Variants in NOBOX observed in about 807,000 individuals in gnomAD.
NOBOX encodes NOBOX oogenesis homeobox, also known as homeobox protein NOBOX.
In NOBOX, 46 loss-of-function variants were observed where a neutral mutation model predicts 60.2. The ratio of observed to expected loss-of-function variants is 0.76; its 90% CI spans 0.60 to 0.98. The LOEUF is 0.98. Ranked by LOEUF, NOBOX falls within the 50% of genes least tolerant of loss-of-function variation. The pLI is 0.00. For missense variants in NOBOX, 880 were observed against 865.5 expected (o/e 1.02, Z -0.21); for synonymous variants, 360 against 346.3 (o/e 1.04, Z -0.44).
intron 1 of NOBOX, among the ~76,000 whole-genome samples, chr7:144,404,860 C>T (rs1305556379): frequency 6.6e-6 from 1 of 152,122 alleles, no homozygotes; most frequent in African/African-American, 2.4e-5. Flanking sequence ...AAATTCTTGC[C>T]TCTTCTGAGC....
intron 1 of NOBOX, among the ~76,000 whole-genome samples, chr7:144,406,973 A>G (rs1218662673): frequency 6.6e-6 from 1 of 151,770 alleles, no homozygotes; most frequent in African/African-American, 2.4e-5. Context: ...CTTTGTTTAG[A>G]GGACAGGGAG....
intron 1 of NOBOX, among the ~76,000 whole-genome samples, chr7:144,408,914 C>T (rs922511373): frequency 1.7e-4 from 26 of 152,314 alleles, no homozygotes; most frequent in African/African-American, 6.0e-4. Flanking sequence ...AAATACACAC[C>T]AGTGCATGAA....
intron 4 of NOBOX, 114 bp downstream of exon 2, chr7:144,400,932 G>T: frequency 2.4e-6 from 2 of 818,672 alleles, no homozygotes; most frequent in Non-Finnish European, 3.5e-6. Flanking sequence ...GGGACGAAGT[G>T]ACATACAAAC....
At chr7:144,408,793 A>T (rs907459383) in intron 1 of NOBOX, among the ~76,000 whole-genome samples, 1 of 152,152 alleles carries the variant, frequency 6.6e-6, no homozygotes, top group African/African-American at 2.4e-5. Context: ...GGAGCAGGGG[A>T]GGGAAGTGGC....
At chr7:144,399,588 G>T (rs1340070821) in intron 6 of NOBOX, 106 bp from the exon 5 acceptor site, 3 of 1,171,310 alleles carry the variant, frequency 2.6e-6, no homozygotes, top group Non-Finnish European at 3.7e-6. Context: ...CTCCTACAGG[G>T]CATTGGCAAC....
At chr7:144,402,434 AACGGC>A (rs1365050426) in intron 2 of NOBOX, among the ~76,000 whole-genome samples, 3 of 152,180 alleles carry the variant, frequency 2.0e-5, no homozygotes, top group Non-Finnish European at 4.4e-5. Flanking sequence ...TCTCTGCAAG[AACGGC>A]ACTGCTAATA....
In NOBOX at chr7:144,401,145, T is replaced by C. The variant is rs758689984; in HGVS notation, c.745A>G (p.Ser249Gly). The C allele has an allele frequency of 6.2e-7, 1 of 1,609,648 alleles. No homozygotes were observed. The highest frequency in any genetic ancestry group is 1.3e-5 in the African/African-American group (1 of 74,736). ...TTTTGGTTGCTCTGCGCCAATGTAC[T>C]GAGGAGATTGGCCAGGTGGCAGGGC... The change falls in exon 4 of 10, where the codon AGT becomes GGT. Residue 249 changes from serine (S) to glycine (G), a missense_variant. By Grantham distance (56) the Ser-to-Gly change is moderately conservative. Coordinates refer to ENST00000467773, the MANE Select transcript of NOBOX (RefSeq NM_001080413.3). This position sits in a 1 kb window ranked among gnomAD's most constrained non-coding sequence, Gnocchi z 4.2.
At chr7:144,409,138 G>T (rs749803048) in intron 1 of NOBOX, among the ~76,000 whole-genome samples, 7 of 152,218 alleles carry the variant, frequency 4.6e-5, no homozygotes, top group African/African-American at 1.7e-4. Flanking sequence ...TCCTGGACTT[G>T]GTTAAATATA....
At chr7:144,404,698 G>T in intron 1 of NOBOX, 1 of 1,612,044 alleles carries the variant, frequency 6.2e-7, no homozygotes, top group Non-Finnish European at 8.5e-7. Flanking sequence ...GGACGGTGTG[G>T]TTACTGTGTT....
rs777495779 is a variant in NOBOX, at chr7:144,401,366, C to T, written c.524G>A (p.Arg175His). The change falls in exon 4 of 10, where the codon CGC (arginine) becomes CAC (histidine). Residue 175 changes from arginine (R) to histidine (H), a missense_variant. Transcript: ENST00000467773. The surrounding 1 kb of genome is among the most constrained non-coding windows in gnomAD (Gnocchi z 4.2). The stretch of plus-strand genomic sequence containing the variant: ...TTCCCCCTGAGTCTGGGGCCTGGAG[C>T]GGGCTAGAGTTCTGTCTTTGTGGGG... 2.0e-5 allele frequency: 33 copies of T among 1,613,586 alleles called. No homozygotes were observed. The highest frequency in any genetic ancestry group is 2.7e-5 in the African/African-American group (2 of 74,934).
chr7:144,401,496 G>A lies in NOBOX; in HGVS notation c.394C>T (p.Pro132Ser). The A allele has an allele frequency of 1.3e-6, 2 of 1,537,322 alleles. No individual in the cohort carries two copies. Among genetic ancestry groups the A allele is most frequent in the South Asian group, 2.6e-5 (2 of 76,584 alleles). The change falls in exon 4 of 10, where the codon CCA becomes TCA. Residue 132 changes from proline to serine, a missense_variant. Pro to Ser is a moderately conservative substitution (Grantham distance 74). Coordinates refer to ENST00000467773, the MANE Select transcript of NOBOX (RefSeq NM_001080413.3). The surrounding 1 kb of genome is among the most constrained non-coding windows in gnomAD (Gnocchi z 4.2). ...TCTCCTGAGATGGTGCAGGAGGGTG[G>A]CAGTTCCTCACTCTGAGTGTCCTGA...
At chr7:144,403,911 G>C (rs906248772) in intron 2 of NOBOX, among the ~76,000 whole-genome samples, 1 of 151,966 alleles carries the variant, frequency 6.6e-6, no homozygotes, top group East Asian at 1.9e-4. Context: ...ACCCGGGCCT[G>C]GGCGCCGCCT....
rs764455340 is a variant in NOBOX, at chr7:144,399,869, G to A, written c.1048-6C>T. 1 of 1,603,048 alleles carries A rather than the reference G, an allele frequency of 6.2e-7. No homozygotes were observed. Among genetic ancestry groups the A allele is most frequent in the South Asian group, 1.1e-5 (1 of 90,386 alleles). ...CGGCGATTCTGGAACCACACCTATG[G>A]GGGGAAAGGTGCTTGAAGAACTGGA... On this transcript the variant is annotated splice_region_variant and splice_polypyrimidine_tract_variant and intron_variant, in intron 5 of 9. Coordinates refer to ENST00000467773, the MANE Select transcript of NOBOX (RefSeq NM_001080413.3).
In NOBOX at chr7:144,399,813, A is replaced by G. The variant is rs767235358; in HGVS notation, c.1098T>C (p.Asn366=). 10 of 1,612,896 alleles carry G rather than the reference A, an allele frequency of 6.2e-6. No homozygotes were observed. The East Asian group carries it at 2.2e-4, about 36-fold the overall frequency. ...CAGGATTGTCCTTGCTTTCTTTCCC[A>G]TTCAGTTTCTCCATTTTTCGCCACT... The change falls in exon 6 of 10, where the codon AAT becomes AAC. Residue 366 remains asparagine (N), a synonymous_variant. Transcript: ENST00000467773.
Position 144,401,246 on chromosome 7 carries a change from GC to G in NOBOX, c.643del (p.Ala215ProfsTer53). 6.2e-7 allele frequency: 1 copy of G among 1,613,560 alleles called. No individual in the cohort carries two copies. Among genetic ancestry groups the G allele is most frequent in the Non-Finnish European group, 8.5e-7 (1 of 1,179,712 alleles). On this transcript the variant is annotated frameshift_variant, in exon 4 of 10. Transcript: ENST00000467773. LOFTEE classifies it high-confidence loss of function. The surrounding 1 kb of genome is among the most constrained non-coding windows in gnomAD (Gnocchi z 4.2). ...AGGGGCACCCGGAGATGATGTTGGG[GC>G]CAGACCCATGGCATTAGGCTTTTTC...
Position 144,401,366 on chromosome 7 carries a change from C to G in NOBOX, c.524G>C (p.Arg175Pro). 6.2e-7 allele frequency: 1 copy of G among 1,613,704 alleles called. No homozygotes were observed. The highest frequency in any genetic ancestry group is 1.1e-5 in the South Asian group (1 of 91,030). ...TTCCCCCTGAGTCTGGGGCCTGGAG[C>G]GGGCTAGAGTTCTGTCTTTGTGGGG... Residue 175 changes from arginine (R) to proline (P), a missense_variant, in exon 4 of 10, where the codon CGC becomes CCC. Arg to Pro is a moderately radical substitution (Grantham distance 103). Coordinates refer to ENST00000467773, the MANE Select transcript of NOBOX (RefSeq NM_001080413.3). The surrounding 1 kb of genome is among the most constrained non-coding windows in gnomAD (Gnocchi z 4.2).
At chr7:144,403,510 T>TCCCCCCCCTC in intron 2 of NOBOX, 147 bp downstream of exon 1, 2 of 349,464 alleles carry the variant, frequency 5.7e-6, no homozygotes, top group African/African-American at 2.3e-5. Context: ...GTCGGCCTCC[T>TCCCCCCCCTC]CCCACCCTAC....
In NOBOX at chr7:144,397,253, C is replaced by T. The variant is rs1299806401; in HGVS notation, c.2063G>A (p.Ser688Asn). 1.3e-6 allele frequency: 2 copies of T among 1,532,218 alleles called. No homozygotes were observed. Among genetic ancestry groups the T allele is most frequent in the Admixed American group, 2.0e-5 (1 of 50,826 alleles). 94.9% of individuals were successfully genotyped at this position (1,532,218 alleles called of 1,614,324 possible). A position where few individuals can be genotyped will look rare whatever the true frequency, so the allele number is the denominator to read the frequency against. The change falls in exon 10 of 10, where the codon AGC becomes AAC. Residue 688 changes from serine (S) to asparagine (N), a missense_variant. By Grantham distance (46) the Ser-to-Asn change is conservative. Coordinates refer to ENST00000467773, the MANE Select transcript of NOBOX (RefSeq NM_001080413.3). Reference sequence around the variant, plus strand: ...TTGACCCCCCAACTAGGGGACATGGCTATTCTTGTCATCCCCTCTGGCCTC... The same window carrying T: ...TTGACCCCCCAACTAGGGGACATGGTTATTCTTGTCATCCCCTCTGGCCTC...
At chr7:144,406,211 C>T (rs752734353) in intron 1 of NOBOX, among the ~76,000 whole-genome samples, 1 of 152,170 alleles carries the variant, frequency 6.6e-6, no homozygotes, top group Non-Finnish European at 1.5e-5. Flanking sequence ...CTGAAAGATA[C>T]AGGGTCTGAG....
Sources: gnomAD v4.1 joint callset for allele counts (sites outside exome capture counted in the v4.1 genomes callset) on GRCh38, gnomAD v4.1.1 for gene constraint, Gnocchi (gnomAD v3.1) non-coding constraint, MANE v1.5 for transcripts, NCBI Gene and HGNC (gene_info 2026-07-23, HGNC 2026-07-21) for gene names.